HERPUD2: variants seen among roughly 807,000 people sequenced by gnomAD.
HERPUD2 encodes HERPUD family member 2.
Under a neutral mutation model 49.9 loss-of-function variants are expected in HERPUD2, and 13 were observed. That is an observed-to-expected ratio of 0.26 (90% CI 0.17 to 0.41). The LOEUF is 0.41. Among genes scored for constraint, HERPUD2 ranks in the 10% least tolerant of loss-of-function variants. The probability of loss-of-function intolerance (pLI) is 1.00; values close to 1 mark genes in which losing one functional copy is unlikely to be tolerated. For missense variants in HERPUD2, 449 were observed against 492.2 expected, an observed-to-expected ratio of 0.91 and a Z score of 0.83; for synonymous variants, 172 against 171.4, an observed-to-expected ratio of 1.00 and a Z score of -0.03.
At chr7:35,650,409 C>T (rs904565526) in intron 5 of HERPUD2, among the ~76,000 whole-genome samples, 1 of 152,140 alleles carries the variant, frequency 6.6e-6, no homozygotes, top group Non-Finnish European at 1.5e-5. Context: ...ACACGGGCCC[C>T]GAGACTAACA....
rs114622106 is a variant in HERPUD2, at chr7:35,683,627, G to C, written c.148-10349C>G. Reference sequence around the variant, plus strand: ...AGCAAAAGGAATAGTCAGCAGAGTAGACAACCCACAGAGTGGGACAAACCT... The same window carrying C: ...AGCAAAAGGAATAGTCAGCAGAGTACACAACCCACAGAGTGGGACAAACCT... On this transcript the variant is annotated intron_variant, in intron 2 of 8. Coordinates refer to ENST00000311350, the MANE Select transcript of HERPUD2 (RefSeq NM_022373.5). Among the ~76,000 whole-genome samples, 821 of 152,270 alleles carry C rather than the reference G, an allele frequency of 5.4e-3. 6 individuals are homozygous for C. Among genetic ancestry groups the C allele is most frequent in the African/African-American group, 0.019 (789 of 41,562 alleles).
intron 5 of HERPUD2, among the ~76,000 whole-genome samples, chr7:35,666,364 G>T (rs1785536264): frequency 6.6e-6 from 1 of 152,148 alleles, no homozygotes; most frequent in South Asian, 2.1e-4. Context: ...TTGTTTTTCT[G>T]TATTAATAAC....
chr7:35,649,975 C>A (rs1785130304), intron 5 of HERPUD2, among the ~76,000 whole-genome samples: 1 of 151,892 alleles, frequency 6.6e-6, no homozygotes. Flanking sequence ...GAGGAGAGGT[C>A]CACTCAGATG....
chr7:35,682,326 C>CGTGTGT (rs1173380172), intron 2 of HERPUD2, among the ~76,000 whole-genome samples: 1 of 16,316 alleles, frequency 6.1e-5, no homozygotes, highest in Admixed American at 5.7e-4. Context: ...CACATACACA[C>CGTGTGT]GTGTGTGTGT....
chr7:35,644,533 T>G (rs1199449203), intron 5 of HERPUD2, among the ~76,000 whole-genome samples: 1 of 152,162 alleles, frequency 6.6e-6, no homozygotes, highest in Non-Finnish European at 1.5e-5. Flanking sequence ...TCTGGGAGCC[T>G]GAGGCAGGTG....
Position 35,638,458 on chromosome 7 carries a change from T to C in HERPUD2, c.509A>G (p.Gln170Arg), listed in dbSNP as rs922423996. 13 of 1,613,172 alleles carry C rather than the reference T, an allele frequency of 8.1e-6. No individual in the cohort carries two copies. Among genetic ancestry groups the C allele is most frequent in the Non-Finnish European group, 1.7e-6 (2 of 1,179,446 alleles). ...PYVMQGNVDN[Q>R]FPGQAAPPGF... Reference sequence around the variant, plus strand: ...AGGTGGAGCAGCTTGCCCAGGAAATTGGTTGTCTACATTTCTGCAAGAAAT... The same window carrying C: ...AGGTGGAGCAGCTTGCCCAGGAAATCGGTTGTCTACATTTCTGCAAGAAAT... Residue 170 changes from glutamine (Q) to arginine (R), a missense_variant, in exon 6 of 9, where the codon CAA becomes CGA. Transcript: ENST00000311350.
Position 35,694,818 on chromosome 7 carries a change from G to C in HERPUD2, c.-315C>G, listed in dbSNP as rs1786283064. The C allele has an allele frequency of 6.5e-6, 1 of 152,904 alleles. No homozygotes were observed. Among genetic ancestry groups the C allele is most frequent in the Non-Finnish European group, 1.5e-5 (1 of 68,438 alleles). 9.5% of individuals were successfully genotyped at this position (152,904 alleles called of 1,614,324 possible). A position where few individuals can be genotyped will look rare whatever the true frequency, so the allele number is the denominator to read the frequency against. On this transcript the variant is annotated 5_prime_UTR_variant, in exon 1 of 9. Coordinates refer to ENST00000311350, the MANE Select transcript of HERPUD2 (RefSeq NM_022373.5). ...TGGGGTACCTGAGAGAAGGCCGCGG[G>C]GCCCGCCACCGCCGCCCTCCGCGCC...
chr7:35,666,415 T>C (rs1455911004), intron 5 of HERPUD2, among the ~76,000 whole-genome samples: 1 of 152,226 alleles, frequency 6.6e-6, no homozygotes, highest in Non-Finnish European at 1.5e-5. Flanking sequence ...TACCTGAGTG[T>C]TTATGCCGTC....
chr7:35,667,521 G>A lies in HERPUD2; in HGVS notation c.407C>T (p.Ser136Phe), dbSNP rs781618454. ...GQETLSLAVG[S>F]SSEGLRQRTL... ...ACGCTGCCTCAATCCTTCTGAGGAA[G>A]AACCCACAGCTAAAGACAAGGTTTC... The change falls in exon 5 of 9, where the codon TCT (serine) becomes TTT (phenylalanine). Residue 136 changes from serine (S) to phenylalanine (F), a missense_variant. Transcript: ENST00000311350. The A allele has an allele frequency of 2.2e-5, 35 of 1,613,872 alleles. No homozygotes were observed. The highest frequency in any genetic ancestry group is 2.9e-5 in the Non-Finnish European group (34 of 1,179,798).
chr7:35,634,502 A>T (rs749348391), intron 7 of HERPUD2, 73 bp from the exon 8 acceptor site: 13 of 876,586 alleles, frequency 1.5e-5, no homozygotes, highest in Non-Finnish European at 2.2e-5. Flanking sequence ...AAATGTTATT[A>T]GTGTCCTATA....
At chr7:35,639,359 G>A (rs1350671508) in intron 5 of HERPUD2, among the ~76,000 whole-genome samples, 1 of 152,078 alleles carries the variant, frequency 6.6e-6, no homozygotes, top group Non-Finnish European at 1.5e-5. Context: ...AGTAAAACTT[G>A]TGGAAGGTCA....
intron 5 of HERPUD2, among the ~76,000 whole-genome samples, chr7:35,639,185 C>T (rs1420015613): frequency 1.3e-5 from 2 of 152,002 alleles, no homozygotes; most frequent in Non-Finnish European, 2.9e-5. Context: ...CGCGCCACCA[C>T]ACCTGGCTAA....
intron 2 of HERPUD2, among the ~76,000 whole-genome samples, chr7:35,681,397 A>T (rs1331319408): frequency 6.6e-6 from 1 of 152,208 alleles, no homozygotes; most frequent in African/African-American, 2.4e-5. Context: ...TGTGAAAAAA[A>T]GTCTGGCAGT....
At chr7:35,670,822 G>A (rs553004689) in intron 3 of HERPUD2, among the ~76,000 whole-genome samples, 2 of 151,642 alleles carry the variant, frequency 1.3e-5, no homozygotes, top group South Asian at 2.1e-4. Context: ...ACACCTATAC[G>A]CAGATATAAA....
chr7:35,641,937 T>G (rs1333878156), intron 5 of HERPUD2, among the ~76,000 whole-genome samples: 2 of 152,148 alleles, frequency 1.3e-5, no homozygotes, highest in Non-Finnish European at 2.9e-5. Flanking sequence ...GCCAAAGCAA[T>G]TGCAACAAAA....
At chr7:35,640,430 T>C (rs958512777) in intron 5 of HERPUD2, among the ~76,000 whole-genome samples, 38 of 152,206 alleles carry the variant, frequency 2.5e-4, no homozygotes, top group Non-Finnish European at 1.2e-4. Context: ...CCATTACTTT[T>C]TTAAAAAGTT....
At chr7:35,636,047 G>A (rs571417351) in intron 6 of HERPUD2, among the ~76,000 whole-genome samples, 4 of 152,278 alleles carry the variant, frequency 2.6e-5, no homozygotes, top group African/African-American at 9.6e-5. Context: ...AGAAAGAATT[G>A]TGATTCTGAG....
At chr7:35,645,492 T>A (rs1049517176) in intron 5 of HERPUD2, among the ~76,000 whole-genome samples, 1 of 152,158 alleles carries the variant, frequency 6.6e-6, no homozygotes, top group African/African-American at 2.4e-5. Flanking sequence ...ATTAATGTGG[T>A]GCAGTTGTTA....
intron 2 of HERPUD2, among the ~76,000 whole-genome samples, chr7:35,679,200 A>AT (rs1480289728): frequency 2.0e-5 from 3 of 152,168 alleles, no homozygotes; most frequent in East Asian, 3.8e-4. Context: ...GATAATATTA[A>AT]TTTTTTATCC....
Sources: gnomAD v4.1 joint callset for allele counts (sites outside exome capture counted in the v4.1 genomes callset) on GRCh38, gnomAD v4.1.1 for gene constraint, MANE v1.5 for transcripts, NCBI Gene and HGNC (gene_info 2026-07-23, HGNC 2026-07-21) for gene names.